RALGAPA2: variants seen among roughly 807,000 people sequenced by gnomAD.
RALGAPA2 encodes the protein Ral GTPase activating protein catalytic subunit alpha 2.
Under a neutral mutation model 230.4 loss-of-function variants are expected in RALGAPA2, and 139 were observed. The ratio of observed to expected loss-of-function variants is 0.60; its 90% CI spans 0.53 to 0.69. The LOEUF (loss-of-function observed/expected upper bound fraction) is 0.69, where lower values mean the gene tolerates loss of function less well. Ranked by LOEUF, RALGAPA2 falls within the 30% of genes least tolerant of loss-of-function variation. The pLI is 0.00. For synonymous variants in RALGAPA2, 847 were observed against 837.8 expected, an observed-to-expected ratio of 1.01 and a Z score of -0.19; for missense variants, 2,163 against 2,276.0, an observed-to-expected ratio of 0.95 and a Z score of 1.01.
At chr20:20,638,429 G>T (rs1006358797) in intron 7 of RALGAPA2, among the ~76,000 whole-genome samples, 8 of 152,230 alleles carry the variant, frequency 5.3e-5, no homozygotes, top group South Asian at 2.1e-4. Flanking sequence ...GCCAAAAGCT[G>T]TGCTCTGAGA....
intron 24 of RALGAPA2, among the ~76,000 whole-genome samples, chr20:20,540,551 T>G (rs1883921880): frequency 6.6e-6 from 1 of 152,230 alleles, no homozygotes; most frequent in African/African-American, 2.4e-5. Context: ...TGGTTTTGTA[T>G]TTCATCCTTT....
intron 1 of RALGAPA2, among the ~76,000 whole-genome samples, chr20:20,695,034 G>C (rs959627440): frequency 6.6e-6 from 1 of 152,108 alleles, no homozygotes; most frequent in African/African-American, 2.4e-5. Context: ...TTCAAAGCCT[G>C]AATATTTACT....
chr20:20,571,299 A>G (rs1364463453), intron 23 of RALGAPA2, among the ~76,000 whole-genome samples, 159 bp downstream of exon 23: 2 of 152,366 alleles, frequency 1.3e-5, no homozygotes, highest in African/African-American at 4.8e-5. Flanking sequence ...CCTGATTTAC[A>G]TTTTTGAAAG....
intron 3 of RALGAPA2, among the ~76,000 whole-genome samples, chr20:20,664,543 A>G (rs537239221): frequency 6.6e-6 from 1 of 152,194 alleles, no homozygotes; most frequent in Non-Finnish European, 1.5e-5. Context: ...TCACAAAAGT[A>G]TCTTACACAG....
chr20:20,619,846 A>C (rs2146342036), intron 11 of RALGAPA2, among the ~76,000 whole-genome samples: 1 of 152,384 alleles, frequency 6.6e-6, no homozygotes, highest in South Asian at 2.1e-4. Context: ...AATTAATTTC[A>C]TAATAGTATG....
intron 16 of RALGAPA2, among the ~76,000 whole-genome samples, chr20:20,595,010 C>T (rs187649711): frequency 3.3e-5 from 5 of 152,254 alleles, no homozygotes; most frequent in East Asian, 1.9e-4. Context: ...TGAGCCACTG[C>T]GCCCGGCCTA....
At chr20:20,490,692 G>T (rs182126370) in intron 36 of RALGAPA2, among the ~76,000 whole-genome samples, 7 of 152,242 alleles carry the variant, frequency 4.6e-5, no homozygotes, top group African/African-American at 1.4e-4. Context: ...AAGCTTAAAA[G>T]ACTTCCTTTC....
intron 37 of RALGAPA2, among the ~76,000 whole-genome samples, chr20:20,458,375 T>A (rs961854294): frequency 6.8e-6 from 1 of 147,620 alleles, no homozygotes; most frequent in Non-Finnish European, 1.5e-5. Context: ...AATCTGTTTG[T>A]CCAAAAAAAA....
In RALGAPA2 at chr20:20,470,192, G is replaced by C. The variant is rs141776655; in HGVS notation, c.5495+2637C>G. ...TCTAACTGCATTTACTTCTCAAAAA[G>C]ACCCCCAAAGGGAAAATTTGCTCCA... is the stretch of plus-strand genomic sequence containing the variant. On this transcript the variant is annotated intron_variant, in intron 37 of 39. Transcript: ENST00000202677. Among the ~76,000 whole-genome samples, 275 of 152,244 alleles carry C rather than the reference G, an allele frequency of 1.8e-3. 1 individual carries two copies. The highest frequency in any genetic ancestry group is 6.4e-3 in the African/African-American group (265 of 41,536).
chr20:20,400,284 G>GCTCTGA (rs780800433), intron 38 of RALGAPA2, among the ~76,000 whole-genome samples: 27 of 152,226 alleles, frequency 1.8e-4, no homozygotes, highest in Non-Finnish European at 3.5e-4. Context: ...CCTGGCCCTG[G>GCTCTGA]CTCTGACTCT....
intron 15 of RALGAPA2, among the ~76,000 whole-genome samples, chr20:20,602,465 C>T (rs2146213387): frequency 1.3e-5 from 2 of 152,266 alleles, no homozygotes; most frequent in Middle Eastern, 3.4e-3. Flanking sequence ...AGGCTATGGA[C>T]CAAAAGAAAT....
intron 30 of RALGAPA2, 53 bp downstream of exon 30, chr20:20,524,353 T>G: frequency 6.2e-7 from 1 of 1,604,296 alleles, no homozygotes; most frequent in Non-Finnish European, 8.5e-7. Context: ...TTTTGGTGGT[T>G]CTCTGTCATA....
intron 1 of RALGAPA2, among the ~76,000 whole-genome samples, chr20:20,708,480 T>C (rs1233143594): frequency 6.6e-6 from 1 of 152,198 alleles, no homozygotes; most frequent in East Asian, 1.9e-4. Context: ...CAAGATCTGA[T>C]GGTTTTATAA....
At position 20,518,905 on chromosome 20, in the gene RALGAPA2, A is replaced by G. The variant is rs374704351; in HGVS notation, c.4084+2012T>C. On this transcript the variant is annotated intron_variant, in intron 31 of 39. Coordinates refer to ENST00000202677, the MANE Select transcript of RALGAPA2 (RefSeq NM_020343.4). ...CTTACAGTAGGGAACAACGAAATAG[A>G]TTAAGAGTTGTTTCAATTACTTAAT... is the stretch of plus-strand genomic sequence containing the variant. Among the ~76,000 whole-genome samples the G allele has an allele frequency of 4.6e-5, 7 of 152,350 alleles. No homozygotes were observed. In the East Asian group the frequency reaches 1.3e-3, roughly 29 times the overall value.
At chr20:20,665,271 G>A (rs1237810935) in intron 3 of RALGAPA2, among the ~76,000 whole-genome samples, 1 of 152,124 alleles carries the variant, frequency 6.6e-6, no homozygotes, top group Non-Finnish European at 1.5e-5. Context: ...AAAGATTCTT[G>A]GAAGCATTTT....
In RALGAPA2 at chr20:20,398,653, G is replaced by A. The variant is rs2059767679; in HGVS notation, c.5618-1919C>T. On this transcript the variant is annotated intron_variant, in intron 38 of 39. Transcript: ENST00000202677. The surrounding 1 kb of genome is among the most constrained non-coding windows in gnomAD (Gnocchi z 4.5). Reference sequence around the variant, plus strand: ...CTGGGCAGTGTGGAGGGCACCTGGAGGGCAATGTGCTCGGAGATGGGGGGT... The same window carrying A: ...CTGGGCAGTGTGGAGGGCACCTGGAAGGCAATGTGCTCGGAGATGGGGGGT... 6.6e-6 allele frequency among the ~76,000 whole-genome samples: 1 copy of A among 152,126 alleles called. No homozygotes were observed. Among genetic ancestry groups the A allele is most frequent in the Non-Finnish European group, 1.5e-5 (1 of 68,028 alleles).
Position 20,629,441 on chromosome 20 carries a change from T to G in RALGAPA2, c.1155A>C (p.Arg385=). ...SSLCSIEEEH[R]MVYEMVQRIL... is the part of the protein sequence containing the mutation. Reference sequence around the variant, plus strand: ...TCCGCTGTACCATTTCATACACCATTCGGTGCTCTTCTTCAATGCTACAGA... The same window carrying G: ...TCCGCTGTACCATTTCATACACCATGCGGTGCTCTTCTTCAATGCTACAGA... Residue 385 remains arginine, a synonymous_variant, in exon 10 of 40, where the codon CGA becomes CGC. Coordinates refer to ENST00000202677, the MANE Select transcript of RALGAPA2 (RefSeq NM_020343.4). 1 of 1,613,838 alleles carries G rather than the reference T, an allele frequency of 6.2e-7. No homozygotes were observed. The highest frequency in any genetic ancestry group is 8.5e-7 in the Non-Finnish European group (1 of 1,179,868).
chr20:20,585,044 A>T (rs1416706274), intron 18 of RALGAPA2, 89 bp from the exon 19 acceptor site: 2 of 689,780 alleles, frequency 2.9e-6, no homozygotes, highest in African/African-American at 1.8e-5. Context: ...CTAAAGAAAA[A>T]GAAACAAATA....
intron 4 of RALGAPA2, among the ~76,000 whole-genome samples, chr20:20,644,651 T>C (rs1170342166): frequency 6.6e-6 from 1 of 152,222 alleles, no homozygotes; most frequent in Non-Finnish European, 1.5e-5. Flanking sequence ...TAGTTTGTGC[T>C]TGAGTGAATG....
Sources: allele counts gnomAD v4.1 joint callset (sites outside exome capture counted in the v4.1 genomes callset), GRCh38; gene constraint gnomAD v4.1.1; non-coding constraint Gnocchi (gnomAD v3.1); transcripts MANE v1.5; gene names NCBI Gene and HGNC (gene_info 2026-07-23, HGNC 2026-07-21).